The following GASK1B variants were observed in gnomAD, a reference collection of about 807,000 sequenced individuals.
The protein encoded by GASK1B is golgi associated kinase 1B.
A neutral mutation model predicts 42.8 loss-of-function variants in GASK1B; 34 were observed. That is an observed-to-expected ratio of 0.79 (90% CI 0.60 to 1.06). The LOEUF is 1.06. Among genes scored for constraint, GASK1B ranks in the 50% least tolerant of loss-of-function variants. GASK1B has a pLI of 0.00. For synonymous variants in GASK1B, 262 were observed against 259.1 expected (o/e 1.01, Z -0.11); for missense variants, 686 against 661.0 (o/e 1.04, Z -0.42).
chr4:158,146,596 CA>C (rs749453034), intron 3 of GASK1B, among the ~76,000 whole-genome samples: 3 of 152,104 alleles, frequency 2.0e-5, no homozygotes, highest in Non-Finnish European at 4.4e-5. Flanking sequence ...GACACCAATG[CA>C]GAGAGAGGTT....
chr4:158,135,299 C>T (rs1332294781), intron 3 of GASK1B, among the ~76,000 whole-genome samples: 9 of 120,940 alleles, frequency 7.4e-5, no homozygotes, highest in East Asian at 2.3e-4. Flanking sequence ...CCAGCGTGGG[C>T]GACAGGGTGA....
At chr4:158,130,619 T>C (rs1560774911) in intron 4 of GASK1B, among the ~76,000 whole-genome samples, 167 bp downstream of exon 4, 1 of 152,206 alleles carries the variant, frequency 6.6e-6, no homozygotes, top group Non-Finnish European at 1.5e-5. Flanking sequence ...ACTCTGGTTC[T>C]GTTCTTCTTG....
intron 3 of GASK1B, among the ~76,000 whole-genome samples, chr4:158,143,722 C>G (rs1560782008): frequency 6.6e-6 from 1 of 152,016 alleles, no homozygotes; most frequent in Non-Finnish European, 1.5e-5. Context: ...ATAGGCCAGT[C>G]AAGATGACAA....
At chr4:158,158,260 T>C (rs1731831968) in intron 2 of GASK1B, among the ~76,000 whole-genome samples, 1 of 152,162 alleles carries the variant, frequency 6.6e-6, no homozygotes. Flanking sequence ...CATAAACACA[T>C]GCCCCAGAAA....
Position 158,169,963 on chromosome 4 carries a change from A to G in GASK1B, c.910+503T>C, listed in dbSNP as rs1732397533. ...AAATAAAGAGGTTAAATCCATTGAA[A>G]AAAAAAGGGGGGGTTAAACCTAACA... On this transcript the variant is annotated intron_variant, in intron 2 of 4. Coordinates refer to ENST00000585682, the MANE Select transcript of GASK1B (RefSeq NM_001128424.2). 1.8e-5 allele frequency: 8 copies of G among 437,108 alleles called. No individual in the cohort carries two copies. The South Asian group carries it at 3.2e-4, about 18-fold the overall frequency. The allele number at this position is 437,108 out of a possible 1,614,324, so 27.1% of individuals were successfully genotyped here.
At chr4:158,132,954 C>A (rs1250800725) in intron 3 of GASK1B, among the ~76,000 whole-genome samples, 1 of 152,096 alleles carries the variant, frequency 6.6e-6, no homozygotes, top group Non-Finnish European at 1.5e-5. Flanking sequence ...GCAAGAGTGC[C>A]CCAAGCAAAT....
At chr4:158,141,920 CTTTTTTTTTTTTTTTTTTTTTTT>C (rs36207959) in intron 3 of GASK1B, among the ~76,000 whole-genome samples, 2 of 47,616 alleles carry the variant, frequency 4.2e-5, no homozygotes, top group African/African-American at 1.7e-4. Context: ...GTTGTGGTTT[CTTTTTTTTTTTTTTTTTTTTTTT>C]TTTTTTTTTT....
intron 3 of GASK1B, among the ~76,000 whole-genome samples, chr4:158,136,251 G>A (rs900431486): frequency 1.3e-5 from 2 of 152,024 alleles, no homozygotes; most frequent in African/African-American, 4.8e-5. Context: ...GCTAGGTGCA[G>A]TTATGTGCAC....
At chr4:158,172,299 T>G (rs1042791504) in intron 1 of GASK1B, 2 of 152,062 alleles carry the variant, frequency 1.3e-5, no homozygotes, top group African/African-American at 4.8e-5. Flanking sequence ...TTTTCACTAT[T>G]AAAAAGAAAA....
chr4:158,129,926 T>G (rs906244252), intron 4 of GASK1B, among the ~76,000 whole-genome samples: 1 of 152,188 alleles, frequency 6.6e-6, no homozygotes, highest in Admixed American at 6.5e-5. Flanking sequence ...GTTGAACAGC[T>G]CACACTTTAT....
chr4:158,144,231 G>A lies in GASK1B; in HGVS notation c.1125+11380C>T, dbSNP rs544760801. ...GTACTGAGAAGAATAAGATTGTAAC[G>A]CTGCCAGATAATTTGGAAAGTCTTC... On this transcript the variant is annotated intron_variant, in intron 3 of 4. Coordinates refer to ENST00000585682, the MANE Select transcript of GASK1B (RefSeq NM_001128424.2). Among the ~76,000 whole-genome samples the A allele has an allele frequency of 2.4e-4, 36 of 152,240 alleles. No homozygotes were observed. In the South Asian group the frequency reaches 5.8e-3, roughly 25 times the overall value.
intron 3 of GASK1B, among the ~76,000 whole-genome samples, chr4:158,142,863 A>G (rs1367514427): frequency 6.6e-6 from 1 of 152,254 alleles, no homozygotes. Flanking sequence ...TGAACTCTAC[A>G]AAACAAATGA....
In GASK1B at chr4:158,126,913, C is replaced by A. The variant is rs1730473860; in HGVS notation, c.*494G>T. On this transcript the variant is annotated 3_prime_UTR_variant, in exon 5 of 5. Coordinates refer to ENST00000585682, the MANE Select transcript of GASK1B (RefSeq NM_001128424.2). Reference sequence around the variant, plus strand: ...CTCTGATGCTCTTGCAGGCTGTAAGCCTCAGTGTTCCAATGTAGAGTTGCC... The same window carrying A: ...CTCTGATGCTCTTGCAGGCTGTAAGACTCAGTGTTCCAATGTAGAGTTGCC... 1 of 152,714 alleles carries A rather than the reference C, an allele frequency of 6.5e-6. No individual in the cohort carries two copies. Among genetic ancestry groups the A allele is most frequent in the African/African-American group, 2.4e-5 (1 of 41,448 alleles). 9.5% of individuals were successfully genotyped at this position (152,714 alleles called of 1,614,324 possible). A position where few individuals can be genotyped will look rare whatever the true frequency, so the allele number is the denominator to read the frequency against.
intron 3 of GASK1B, among the ~76,000 whole-genome samples, chr4:158,132,165 C>T (rs942948802): frequency 3.4e-5 from 5 of 146,318 alleles, no homozygotes; most frequent in Admixed American, 2.1e-4. Context: ...TTGTTTGTCT[C>T]CAAAATTCCA....
chr4:158,171,699 A>C, intron 1 of GASK1B, 100 bp from the exon 2 acceptor site: 1 of 222,822 alleles, frequency 4.5e-6, no homozygotes, highest in Non-Finnish European at 8.7e-6. Flanking sequence ...CCTTTCATAA[A>C]TATCACCACT....
chr4:158,136,219 A>G (rs376923881), intron 3 of GASK1B, among the ~76,000 whole-genome samples: 3 of 152,146 alleles, frequency 2.0e-5, no homozygotes. Context: ...GTCAGATAGA[A>G]AGGTGAAGAA....
chr4:158,158,328 C>T (rs1203620331), intron 2 of GASK1B, among the ~76,000 whole-genome samples: 1 of 152,070 alleles, frequency 6.6e-6, no homozygotes. Flanking sequence ...ATTCATCAGG[C>T]TTCAACTGAC....
chr4:158,169,961 A>G (rs911088706), intron 2 of GASK1B: 19 of 400,856 alleles, frequency 4.7e-5, no homozygotes, highest in African/African-American at 3.3e-4. Flanking sequence ...AAATCCATTG[A>G]AAAAAAAAGG....
At chr4:158,147,060 A>G (rs1014033648) in intron 3 of GASK1B, among the ~76,000 whole-genome samples, 6 of 152,216 alleles carry the variant, frequency 3.9e-5, no homozygotes, top group Non-Finnish European at 8.8e-5. Context: ...ATCATAGAGC[A>G]AGTGATTTTA....
Sources: gnomAD v4.1 joint callset for allele counts (sites outside exome capture counted in the v4.1 genomes callset) on GRCh38, gnomAD v4.1.1 for gene constraint, MANE v1.5 for transcripts, NCBI Gene and HGNC (gene_info 2026-07-23, HGNC 2026-07-21) for gene names.